Variants in MRPL13 observed in about 807,000 individuals in gnomAD.
MRPL13 encodes large ribosomal subunit protein uL13m.
In MRPL13, 33 loss-of-function variants were observed where a neutral mutation model predicts 29.0. That is an observed-to-expected ratio of 1.14 (90% CI 0.86 to 1.52). MRPL13 has a LOEUF of 1.52. MRPL13 is among the 40% of genes most tolerant of loss of function. The probability of loss-of-function intolerance (pLI) is 0.00; values close to 1 mark genes in which losing one functional copy is unlikely to be tolerated. For synonymous variants in MRPL13, 77 were observed against 68.4 expected, an observed-to-expected ratio of 1.13 and a Z score of -0.62; for missense variants, 227 against 216.7, an observed-to-expected ratio of 1.05 and a Z score of -0.30.
intron 3 of MRPL13, among the ~76,000 whole-genome samples, 161 bp downstream of exon 3, chr8:120,431,868 TG>T (rs1268646869): frequency 6.6e-6 from 1 of 152,152 alleles, no homozygotes; most frequent in African/African-American, 2.4e-5. Context: ...GGTATAGTTG[TG>T]TGGTTTTTAA....
chr8:120,425,494 A>G, intron 3 of MRPL13, 128 bp from the exon 4 acceptor site: 1 of 583,056 alleles, frequency 1.7e-6, no homozygotes, highest in Non-Finnish European at 2.9e-6. Flanking sequence ...TAGTGTTTTC[A>G]AAATTAAGTA....
At chr8:120,410,350 T>C (rs1412133537) in intron 6 of MRPL13, among the ~76,000 whole-genome samples, 1 of 152,208 alleles carries the variant, frequency 6.6e-6, no homozygotes, top group Non-Finnish European at 1.5e-5. Flanking sequence ...GGCTTAGCTA[T>C]GTTGGGTAGA....
At chr8:120,418,208 C>T (rs1463824946) in intron 5 of MRPL13, among the ~76,000 whole-genome samples, 2 of 152,036 alleles carry the variant, frequency 1.3e-5, no homozygotes, top group Non-Finnish European at 2.9e-5. Context: ...GAAAGTACAA[C>T]TTACCAAGTC....
chr8:120,413,851 GT>G, intron 6 of MRPL13, 139 bp downstream of exon 6: 2 of 1,081,112 alleles, frequency 1.8e-6, no homozygotes, highest in Non-Finnish European at 2.4e-6. Flanking sequence ...GAGTTTATTT[GT>G]AGGTAGTAGC....
intron 2 of MRPL13, among the ~76,000 whole-genome samples, chr8:120,441,004 T>C (rs1358713343): frequency 6.9e-6 from 1 of 144,272 alleles, no homozygotes; most frequent in African/African-American, 2.6e-5. Context: ...TTTTTAAATA[T>C]GTGTGTGTGT....
At chr8:120,413,816 T>C (rs1319602625) in intron 6 of MRPL13, among the ~76,000 whole-genome samples, 175 bp downstream of exon 6, 2 of 152,130 alleles carry the variant, frequency 1.3e-5, no homozygotes, top group Non-Finnish European at 2.9e-5. Context: ...TGCTTAAAAA[T>C]TTTTGGTTCT....
chr8:120,418,824 A>T (rs1040369737), intron 5 of MRPL13, among the ~76,000 whole-genome samples: 3 of 152,032 alleles, frequency 2.0e-5, no homozygotes, highest in Non-Finnish European at 4.4e-5. Flanking sequence ...TTAGAGGTAA[A>T]GTGAATAGTG....
chr8:120,435,914 A>G (rs1489594291), intron 2 of MRPL13, among the ~76,000 whole-genome samples: 2 of 152,090 alleles, frequency 1.3e-5, no homozygotes, highest in African/African-American at 2.4e-5. Flanking sequence ...TGTTGACTGT[A>G]TGTAAGTCTT....
At chr8:120,423,247 T>C (rs1812894001) in intron 4 of MRPL13, among the ~76,000 whole-genome samples, 1 of 148,608 alleles carries the variant, frequency 6.7e-6, no homozygotes, top group Admixed American at 6.7e-5. Context: ...ACAGAGACAG[T>C]GAGACATGAA....
intron 3 of MRPL13, among the ~76,000 whole-genome samples, chr8:120,428,859 A>C (rs1812963813): frequency 6.6e-6 from 1 of 151,854 alleles, no homozygotes; most frequent in Non-Finnish European, 1.5e-5. Flanking sequence ...CTGTAGAGAA[A>C]AAGGAATGCT....
chr8:120,432,150 T>C, intron 2 of MRPL13, 27 bp from the exon 3 acceptor site: 1 of 1,525,924 alleles, frequency 6.6e-7, no homozygotes, highest in East Asian at 2.3e-5. Context: ...AACAAGATTT[T>C]GTAAGAAAAA....
intron 2 of MRPL13, among the ~76,000 whole-genome samples, chr8:120,434,089 A>C (rs969746501): frequency 1.4e-4 from 21 of 152,032 alleles, no homozygotes; most frequent in Non-Finnish European, 2.9e-4. Flanking sequence ...TGGCCAAATA[A>C]ATTCAAACTA....
intron 6 of MRPL13, among the ~76,000 whole-genome samples, chr8:120,402,991 C>G (rs564770820): frequency 6.6e-6 from 1 of 152,152 alleles, no homozygotes; most frequent in African/African-American, 2.4e-5. Flanking sequence ...TTAAAAAGTC[C>G]AGAAACAACA....
chr8:120,422,454 C>T (rs1422441093), intron 4 of MRPL13, among the ~76,000 whole-genome samples: 4 of 151,012 alleles, frequency 2.6e-5, no homozygotes, highest in African/African-American at 9.7e-5. Flanking sequence ...TAGAACTTCT[C>T]CCAGTATAAT....
intron 2 of MRPL13, among the ~76,000 whole-genome samples, chr8:120,434,660 A>T (rs983700618): frequency 2.6e-5 from 4 of 152,108 alleles, no homozygotes; most frequent in Non-Finnish European, 4.4e-5. Context: ...CCTTCTCAGC[A>T]AACTGCTCAC....
At chr8:120,409,169 A>C (rs1416253397) in intron 6 of MRPL13, among the ~76,000 whole-genome samples, 1 of 152,186 alleles carries the variant, frequency 6.6e-6, no homozygotes, top group Non-Finnish European at 1.5e-5. Context: ...TTGATGCTGA[A>C]GCTTTCCATG....
intron 3 of MRPL13, among the ~76,000 whole-genome samples, chr8:120,428,722 T>A (rs1052772513): frequency 6.6e-6 from 1 of 151,706 alleles, no homozygotes; most frequent in Non-Finnish European, 1.5e-5. Context: ...TGGCCAACAA[T>A]CATGAAAAAA....
At chr8:120,436,268 G>A (rs1586927951) in intron 2 of MRPL13, among the ~76,000 whole-genome samples, 1 of 152,106 alleles carries the variant, frequency 6.6e-6, no homozygotes, top group African/African-American at 2.4e-5. Flanking sequence ...TTCTTTTCCA[G>A]AGTTGCTGTA....
chr8:120,439,311 T>C (rs1274962205), intron 2 of MRPL13, among the ~76,000 whole-genome samples: 3 of 152,228 alleles, frequency 2.0e-5, no homozygotes, highest in Non-Finnish European at 2.9e-5. Context: ...GTATACTGAG[T>C]GCTATTTAGT....
Sources: gnomAD v4.1 joint callset for allele counts (sites outside exome capture counted in the v4.1 genomes callset) on GRCh38, gnomAD v4.1.1 for gene constraint, MANE v1.5 for transcripts, NCBI Gene and HGNC (gene_info 2026-07-23, HGNC 2026-07-21) for gene names.